Variants in ATP9B observed in about 807,000 individuals in gnomAD.
ATP9B encodes the protein ATPase phospholipid transporting 9B.
Under a neutral mutation model 146.1 loss-of-function variants are expected in ATP9B, and 110 were observed. That is an observed-to-expected ratio of 0.75 (90% CI 0.65 to 0.88). The LOEUF (loss-of-function observed/expected upper bound fraction) is 0.88, where lower values mean the gene tolerates loss of function less well. Among genes scored for constraint, ATP9B ranks in the 40% least tolerant of loss-of-function variants. The probability of loss-of-function intolerance (pLI) is 0.00; values close to 1 mark genes in which losing one functional copy is unlikely to be tolerated. For missense variants in ATP9B, 1,499 were observed against 1,496.4 expected (o/e 1.00, Z -0.03); for synonymous variants, 604 against 569.7 (o/e 1.06, Z -0.86).
At chr18:79,077,174 T>G (rs555070746) in intron 1 of ATP9B, among the ~76,000 whole-genome samples, 1 of 152,306 alleles carries the variant, frequency 6.6e-6, no homozygotes, top group South Asian at 2.1e-4. Flanking sequence ...TTGGGGATAA[T>G]GAGTGATTTT....
intron 7 of ATP9B, among the ~76,000 whole-genome samples, chr18:79,163,822 A>G (rs1252430963): frequency 1.3e-5 from 2 of 150,364 alleles, no homozygotes; most frequent in Admixed American, 6.6e-5. Context: ...TACCTTTAGG[A>G]ATAGTTGTTT....
chr18:79,333,256 C>T (rs2096801445), intron 17 of ATP9B, among the ~76,000 whole-genome samples: 1 of 152,192 alleles, frequency 6.6e-6, no homozygotes, highest in Non-Finnish European at 1.5e-5. Flanking sequence ...TCCCAGCTGT[C>T]TGGGCTGCAA....
intron 4 of ATP9B, among the ~76,000 whole-genome samples, chr18:79,122,562 T>A (rs2094208313): frequency 6.6e-6 from 1 of 152,160 alleles, no homozygotes; most frequent in South Asian, 2.1e-4. Flanking sequence ...GACATTCAGG[T>A]TATTTCTAAT....
intron 15 of ATP9B, among the ~76,000 whole-genome samples, chr18:79,321,056 G>A (rs2096713006): frequency 3.9e-5 from 6 of 152,188 alleles, no homozygotes; most frequent in Admixed American, 3.9e-4. Context: ...CTAGATGTAA[G>A]TTATTTCTAA....
chr18:79,337,475 G>A lies in ATP9B; in HGVS notation c.2283+26G>A, dbSNP rs116935118. 7.0e-3 allele frequency: 11,122 copies of A among 1,595,808 alleles called. 58 individuals are homozygous for A. The highest frequency in any genetic ancestry group is 7.8e-3 in the Non-Finnish European group (9,154 of 1,175,604). On this transcript the variant is annotated intron_variant, in intron 19 of 29. Transcript: ENST00000426216. ...GTACTGCAGGCTCACCTCTGCTGGC[G>A]CGCGCTGCTTTTGCTGAAGCAAACA...
At chr18:79,164,109 G>A (rs986560334) in intron 7 of ATP9B, among the ~76,000 whole-genome samples, 6 of 152,164 alleles carry the variant, frequency 3.9e-5, no homozygotes, top group South Asian at 2.1e-4. Flanking sequence ...AGTTTTTGTA[G>A]AGATGGGGTT....
chr18:79,339,899 A>G (rs1291404853), intron 19 of ATP9B, among the ~76,000 whole-genome samples: 1 of 152,222 alleles, frequency 6.6e-6, no homozygotes, highest in Non-Finnish European at 1.5e-5. Flanking sequence ...CAAGAGAACA[A>G]TTCTGACTCA....
At chr18:79,295,221 TA>T (rs1210078941) in intron 13 of ATP9B, among the ~76,000 whole-genome samples, 11 of 152,156 alleles carry the variant, frequency 7.2e-5, no homozygotes, top group Non-Finnish European at 1.6e-4. Context: ...AAATTTTGAC[TA>T]TTAGACACCC....
Position 79,330,003 on chromosome 18 carries a change from C to A in ATP9B, c.1936-9C>A. 2.5e-6 allele frequency: 4 copies of A among 1,613,302 alleles called. No homozygotes were observed. Among genetic ancestry groups the A allele is most frequent in the Non-Finnish European group, 3.4e-6 (4 of 1,179,298 alleles). On this transcript the variant is annotated splice_polypyrimidine_tract_variant and intron_variant, in intron 16 of 29. Transcript: ENST00000426216. ...AAATGTGCCTCTGTTTATTTTTGTT[C>A]TTTGATAGGATGAATCCACGGCAGA...
chr18:79,123,519 C>CT (rs1041190520), intron 4 of ATP9B, among the ~76,000 whole-genome samples: 64 of 144,622 alleles, frequency 4.4e-4, no homozygotes, highest in Middle Eastern at 3.6e-3. Context: ...TCCTAGCTGG[C>CT]TTTTTTTTTT....
At chr18:79,177,452 A>G (rs1180498840) in intron 8 of ATP9B, among the ~76,000 whole-genome samples, 1 of 151,048 alleles carries the variant, frequency 6.6e-6, no homozygotes, top group African/African-American at 2.4e-5. Context: ...TATGTTGCCC[A>G]GGCTGGTCTT....
chr18:79,187,041 T>C (rs116703204), intron 8 of ATP9B, among the ~76,000 whole-genome samples: 111 of 152,332 alleles, frequency 7.3e-4, no homozygotes, highest in African/African-American at 2.6e-3. Context: ...CATGGTGGTC[T>C]CCAAACCACG....
intron 1 of ATP9B, among the ~76,000 whole-genome samples, chr18:79,076,069 T>C (rs1488829554): frequency 6.6e-6 from 1 of 152,218 alleles, no homozygotes; most frequent in Non-Finnish European, 1.5e-5. Flanking sequence ...TATTCTCCCA[T>C]TGGTAATATA....
intron 3 of ATP9B, among the ~76,000 whole-genome samples, chr18:79,112,529 AT>A (rs1209129088): frequency 6.6e-6 from 1 of 152,188 alleles, no homozygotes; most frequent in African/African-American, 2.4e-5. Context: ...TGAAAATATT[AT>A]TAAGAATTAA....
At chr18:79,244,406 AT>A (rs2095921099) in intron 11 of ATP9B, among the ~76,000 whole-genome samples, 1 of 152,116 alleles carries the variant, frequency 6.6e-6, no homozygotes, top group African/African-American at 2.4e-5. Context: ...AATATCTCAC[AT>A]TCTGAACACT....
At chr18:79,300,553 A>T (rs902113233) in intron 13 of ATP9B, among the ~76,000 whole-genome samples, 1 of 152,086 alleles carries the variant, frequency 6.6e-6, no homozygotes, top group African/African-American at 2.4e-5. Flanking sequence ...TGCGGTGAGG[A>T]CACAAACCCC....
chr18:79,189,300 T>C (rs2095339586), intron 8 of ATP9B, among the ~76,000 whole-genome samples: 1 of 151,992 alleles, frequency 6.6e-6, no homozygotes, highest in African/African-American at 2.4e-5. Flanking sequence ...TGAGCCGAGA[T>C]CTTGCCGCTG....
chr18:79,365,636 C>T (rs1271235378), intron 26 of ATP9B, among the ~76,000 whole-genome samples: 1 of 152,212 alleles, frequency 6.6e-6, no homozygotes, highest in Non-Finnish European at 1.5e-5. Flanking sequence ...AGGATGTCTC[C>T]GTGGACAGGG....
rs1568862102 is a variant in ATP9B, at chr18:79,372,642, C to CAAG, written c.3013-183_3013-182insAAG. 1.3e-5 allele frequency: 9 copies of CAAG among 677,662 alleles called. No homozygotes were observed. The African/African-American group carries it at 1.6e-4, about 12-fold the overall frequency. 42.0% of individuals were successfully genotyped at this position (677,662 alleles called of 1,614,324 possible). ...GTGGACACGTGTGGGACCCAGGCAG[C>CAAG]TTCTTCAGGATTCGGGTGTCAGGAA... On this transcript the variant is annotated intron_variant, in intron 26 of 29. Coordinates refer to ENST00000426216, the MANE Select transcript of ATP9B (RefSeq NM_198531.5).
Sources: gnomAD v4.1 joint callset for allele counts (sites outside exome capture counted in the v4.1 genomes callset) on GRCh38, gnomAD v4.1.1 for gene constraint, MANE v1.5 for transcripts, NCBI Gene and HGNC (gene_info 2026-07-23, HGNC 2026-07-21) for gene names.